The following CSMD1 variants were observed in gnomAD, a reference collection of about 807,000 sequenced individuals.
The protein encoded by CSMD1 is CUB and Sushi multiple domains 1, also known as CUB and sushi domain-containing protein 1.
A neutral mutation model predicts 417.5 loss-of-function variants in CSMD1; 213 were observed. The ratio of observed to expected loss-of-function variants is 0.51; its 90% CI spans 0.46 to 0.57. The LOEUF (loss-of-function observed/expected upper bound fraction) is 0.57, where lower values mean the gene tolerates loss of function less well. Among genes scored for constraint, CSMD1 ranks in the 20% least tolerant of loss-of-function variants. The probability of loss-of-function intolerance (pLI) is 0.00; values close to 1 mark genes in which losing one functional copy is unlikely to be tolerated. For synonymous variants in CSMD1, 2,862 were observed against 1,736.8 expected, an observed-to-expected ratio of 1.65 and a Z score of -16.11; for missense variants, 6,923 against 4,529.7, an observed-to-expected ratio of 1.53 and a Z score of -15.17.
At chr8:3,156,443 C>G (rs1819537440) in intron 39 of CSMD1, among the ~76,000 whole-genome samples, 1 of 152,110 alleles carries the variant, frequency 6.6e-6, no homozygotes, top group Non-Finnish European at 1.5e-5. Context: ...TCTCTGTCAC[C>G]AAAGCCTTTG....
At chr8:3,698,782 G>T (rs1800695840) in intron 7 of CSMD1, among the ~76,000 whole-genome samples, 1 of 152,218 alleles carries the variant, frequency 6.6e-6, no homozygotes, top group Non-Finnish European at 1.5e-5. Context: ...CTAATAGAGT[G>T]AAAATGTATC....
intron 1 of CSMD1, among the ~76,000 whole-genome samples, chr8:4,696,648 T>C (rs576400373): frequency 6.6e-6 from 1 of 152,338 alleles, no homozygotes; most frequent in South Asian, 2.1e-4. Context: ...TTCATTTATC[T>C]GGTTTCTCTT....
intron 2 of CSMD1, among the ~76,000 whole-genome samples, chr8:4,571,918 T>C (rs773984820): frequency 2.6e-5 from 4 of 152,220 alleles, no homozygotes; most frequent in Admixed American, 2.0e-4. Flanking sequence ...TTAAAGTCTG[T>C]TTTATCAGAG....
intron 5 of CSMD1, among the ~76,000 whole-genome samples, chr8:3,796,476 A>G (rs1242568779): frequency 7.4e-6 from 1 of 134,712 alleles, no homozygotes; most frequent in Non-Finnish European, 1.5e-5. Flanking sequence ...ATGTATATAG[A>G]TATCTATCTA....
intron 25 of CSMD1, among the ~76,000 whole-genome samples, chr8:3,305,467 G>C (rs1221990933): frequency 6.6e-6 from 1 of 152,108 alleles, no homozygotes; most frequent in African/African-American, 2.4e-5. Context: ...CCCTCATGAA[G>C]GGATTAATGC....
chr8:3,312,724 C>A lies in CSMD1; in HGVS notation c.3632-4221G>T, dbSNP rs145656344. Among the ~76,000 whole-genome samples the A allele has an allele frequency of 1.1e-4, 16 of 152,232 alleles. No homozygotes were observed. The East Asian group carries it at 3.1e-3, about 29-fold the overall frequency. On this transcript the variant is annotated intron_variant, in intron 23 of 69. Transcript: ENST00000635120. ...CGCCGTGAACCAGCTTAGTCGCCTG[C>A]TAGGGAGAAGAGTGCTGCCTCCACC...
intron 1 of CSMD1, among the ~76,000 whole-genome samples, chr8:4,826,288 C>A (rs1038898755): frequency 4.6e-5 from 7 of 151,490 alleles, no homozygotes; most frequent in African/African-American, 1.7e-4. Context: ...TACACACATA[C>A]GTATATGTAT....
At chr8:4,399,043 T>C (rs1804462952) in intron 3 of CSMD1, among the ~76,000 whole-genome samples, 2 of 152,206 alleles carry the variant, frequency 1.3e-5, no homozygotes, top group Non-Finnish European at 2.9e-5. Context: ...AGACAAGTGT[T>C]CTGTAAGAAT....
chr8:4,413,207 C>T (rs763158486), intron 3 of CSMD1, among the ~76,000 whole-genome samples: 58 of 152,192 alleles, frequency 3.8e-4, no homozygotes, highest in Non-Finnish European at 7.6e-4. Flanking sequence ...GGGAGGGTTG[C>T]TCAGTTGACT....
intron 2 of CSMD1, among the ~76,000 whole-genome samples, chr8:4,432,895 G>C (rs1797948974): frequency 1.3e-5 from 2 of 152,222 alleles, no homozygotes; most frequent in Non-Finnish European, 2.9e-5. Flanking sequence ...CCATCAAGGG[G>C]TGAGCAGCAG....
chr8:3,365,021 T>C (rs1156523098), intron 20 of CSMD1, among the ~76,000 whole-genome samples: 1 of 152,182 alleles, frequency 6.6e-6, no homozygotes, highest in African/African-American at 2.4e-5. Context: ...TGCCATTTTC[T>C]TTTTTTGGAG....
At chr8:3,279,544 G>C (rs1802573672) in intron 26 of CSMD1, among the ~76,000 whole-genome samples, 1 of 152,144 alleles carries the variant, frequency 6.6e-6, no homozygotes, top group Non-Finnish European at 1.5e-5. Flanking sequence ...GGGATAATTT[G>C]AGAGTTTCTT....
chr8:4,182,936 G>A (rs1625309), intron 3 of CSMD1, among the ~76,000 whole-genome samples: 11,922 of 152,084 alleles, frequency 0.078, 689 homozygotes, highest in Middle Eastern at 0.14. Flanking sequence ...ATCTCAATTA[G>A]CAAATGAAGA....
chr8:2,952,281 C>A (rs1367000964), intron 65 of CSMD1, among the ~76,000 whole-genome samples: 2 of 152,148 alleles, frequency 1.3e-5, no homozygotes, highest in African/African-American at 2.4e-5. Context: ...GTCTCCCTAA[C>A]CCATTTTTTA....
At chr8:4,397,206 A>G (rs1804298772) in intron 3 of CSMD1, among the ~76,000 whole-genome samples, 1 of 152,132 alleles carries the variant, frequency 6.6e-6, no homozygotes, top group South Asian at 2.1e-4. Context: ...CTATTTTAAA[A>G]AAAACAAGAA....
At chr8:4,830,919 C>G (rs746837429) in intron 1 of CSMD1, among the ~76,000 whole-genome samples, 18 of 152,140 alleles carry the variant, frequency 1.2e-4, no homozygotes, top group Non-Finnish European at 2.1e-4. Context: ...TTTCAGTGAA[C>G]TTCCTTATGT....
In CSMD1 at chr8:4,295,443, ATCT is replaced by A. The variant is rs1029597297; in HGVS notation, c.415+124507_415+124509del. 1.8e-3 allele frequency among the ~76,000 whole-genome samples: 260 copies of A among 144,200 alleles called. 1 individual carries two copies. Among genetic ancestry groups the A allele is most frequent in the African/African-American group, 6.5e-3 (259 of 40,124 alleles). The allele number at this position is 144,200 out of a possible 152,430, so 94.6% of individuals were successfully genotyped here. On this transcript the variant is annotated intron_variant, in intron 3 of 69. Coordinates refer to ENST00000635120, the MANE Select transcript of CSMD1 (RefSeq NM_033225.6). Reference sequence around the variant, plus strand: ...CACATATAATCTTAAGATATATATAATCTTATTATACACATATAATCTTATTAT... The same window carrying A: ...CACATATAATCTTAAGATATATATAATATTATACACATATAATCTTATTAT...
intron 5 of CSMD1, among the ~76,000 whole-genome samples, chr8:3,844,462 T>A (rs187542609): frequency 6.6e-6 from 1 of 152,204 alleles, no homozygotes; most frequent in Non-Finnish European, 1.5e-5. Context: ...AGGGAGTTGA[T>A]GTATGGATTC....
chr8:4,591,358 G>C (rs17070709), intron 2 of CSMD1, among the ~76,000 whole-genome samples: 12,660 of 152,234 alleles, frequency 0.083, 759 homozygotes, highest in Non-Finnish European at 0.12. Context: ...AGACAAACTA[G>C]TTGGGCCACC....
Sources: gnomAD v4.1 joint callset for allele counts (sites outside exome capture counted in the v4.1 genomes callset) on GRCh38, gnomAD v4.1.1 for gene constraint, MANE v1.5 for transcripts, NCBI Gene and HGNC (gene_info 2026-07-23, HGNC 2026-07-21) for gene names.